Variants in GLT8D2 observed in about 807,000 individuals in gnomAD.
GLT8D2 encodes glycosyltransferase 8 domain-containing protein 2.
A neutral mutation model predicts 44.5 loss-of-function variants in GLT8D2; 45 were observed. That is an observed-to-expected ratio of 1.01 (90% CI 0.80 to 1.30). The LOEUF (loss-of-function observed/expected upper bound fraction) is 1.30. Ranked by LOEUF, GLT8D2 falls within the 50% of genes most tolerant of loss-of-function variation. GLT8D2 has a pLI of 0.00. For missense variants in GLT8D2, 400 were observed against 430.4 expected (o/e 0.93, Z 0.62); for synonymous variants, 156 against 157.2 (o/e 0.99, Z 0.06).
In GLT8D2 at chr12:104,014,255, T is replaced by C. The variant is rs538558063; in HGVS notation, c.112+758A>G. 194 of 699,414 alleles carry C rather than the reference T, an allele frequency of 2.8e-4. 1 individual carries two copies. The African/African-American group carries it at 3.1e-3, about 11-fold the overall frequency. 43.3% of individuals were successfully genotyped at this position (699,414 alleles called of 1,614,324 possible). On this transcript the variant is annotated intron_variant, in intron 4 of 10. Coordinates refer to ENST00000360814, the MANE Select transcript of GLT8D2 (RefSeq NM_001384711.1). ...CTGTAGTTCCAACTTCCTGGGGTGCTGAGGCCGGAGGATTGCTTGAGCCCT... is the reference window on the plus strand; with the variant it reads ...CTGTAGTTCCAACTTCCTGGGGTGCCGAGGCCGGAGGATTGCTTGAGCCCT...
At chr12:104,023,273 A>G (rs1662954828) in intron 1 of GLT8D2, among the ~76,000 whole-genome samples, 1 of 152,218 alleles carries the variant, frequency 6.6e-6, no homozygotes, top group Admixed American at 6.5e-5. Flanking sequence ...CATTCTGCAC[A>G]TGTATCCCAA....
chr12:104,063,740 C>T (rs538493841), intron 1 of GLT8D2, among the ~76,000 whole-genome samples: 1 of 151,926 alleles, frequency 6.6e-6, no homozygotes, highest in Non-Finnish European at 1.5e-5. Flanking sequence ...CAGAAAATTA[C>T]CTTACTGCAC....
rs118108148 is a variant in GLT8D2 at position 104,043,005 on chromosome 12, A to T, written c.-164+6890T>A. Among the ~76,000 whole-genome samples the T allele has an allele frequency of 6.6e-3, 1,002 of 152,278 alleles. 7 individuals are homozygous for T. Among genetic ancestry groups the T allele is most frequent in the Non-Finnish European group, 9.1e-3 (621 of 68,028 alleles). On this transcript the variant is annotated intron_variant, in intron 1 of 10. Coordinates refer to ENST00000360814, the MANE Select transcript of GLT8D2 (RefSeq NM_001384711.1). ...GTCCCGGCATGCAAAGAACTGCACC[A>T]CAGGACTTGTTCCTCACTAGGGTTG...
rs1872377560 is a variant in GLT8D2, at chr12:103,989,011, T to G, written c.*397A>C. ...ATAAAAATGATGAATATTTTATTTT[T>G]CAGACGTCCATATTTTAAATGTAAT... On this transcript the variant is annotated 3_prime_UTR_variant, in exon 11 of 11. Coordinates refer to ENST00000360814, the MANE Select transcript of GLT8D2 (RefSeq NM_001384711.1). 1 of 153,782 alleles carries G rather than the reference T, an allele frequency of 6.5e-6. No homozygotes were observed. Among genetic ancestry groups the G allele is most frequent in the South Asian group, 2.1e-4 (1 of 4,866 alleles). 9.5% of individuals were successfully genotyped at this position (153,782 alleles called of 1,614,324 possible). A position where few individuals can be genotyped will look rare whatever the true frequency, so the allele number is the denominator to read the frequency against.
At chr12:104,044,879 C>A (rs1260897069) in intron 1 of GLT8D2, among the ~76,000 whole-genome samples, 1 of 152,210 alleles carries the variant, frequency 6.6e-6, no homozygotes, top group Admixed American at 6.5e-5. Context: ...ACTCATATAC[C>A]TTTCACCAGA....
At chr12:104,030,753 C>A (rs373254029) in intron 1 of GLT8D2, 63 of 1,612,144 alleles carry the variant, frequency 3.9e-5, no homozygotes, top group East Asian at 3.8e-4. Flanking sequence ...TAATCCCAGT[C>A]GGTGCCGCAT....
intron 3 of GLT8D2, among the ~76,000 whole-genome samples, chr12:104,015,789 G>T (rs140111643): frequency 5.9e-5 from 9 of 151,692 alleles, no homozygotes; most frequent in Non-Finnish European, 8.8e-5. Context: ...ATCACATGAG[G>T]CCAGGAGTTC....
intron 1 of GLT8D2, among the ~76,000 whole-genome samples, chr12:104,061,266 T>TA (rs1346965660): frequency 6.6e-6 from 1 of 152,246 alleles, no homozygotes; most frequent in Non-Finnish European, 1.5e-5. Context: ...TCTTTTGTCT[T>TA]AAAAATATTT....
chr12:104,003,118 T>G lies in GLT8D2; in HGVS notation c.284+17A>C. 6.2e-7 allele frequency: 1 copy of G among 1,607,932 alleles called. No individual in the cohort carries two copies. ...GAAGGAAACAGAAAGTGCCAAAGTC[T>G]GTAAGACATAACTTACCGTATTCGA... is the stretch of plus-strand genomic sequence containing the variant. On this transcript the variant is annotated intron_variant, in intron 5 of 10. Coordinates refer to ENST00000360814, the MANE Select transcript of GLT8D2 (RefSeq NM_001384711.1).
At chr12:104,006,848 C>T (rs867341136) in intron 4 of GLT8D2, among the ~76,000 whole-genome samples, 5 of 152,122 alleles carry the variant, frequency 3.3e-5, no homozygotes, top group Non-Finnish European at 5.9e-5. Context: ...AGTTGGCTAG[C>T]CTAAAACACA....
chr12:104,010,454 A>G (rs1385734921), intron 4 of GLT8D2, among the ~76,000 whole-genome samples: 1 of 152,196 alleles, frequency 6.6e-6, no homozygotes, highest in Non-Finnish European at 1.5e-5. Context: ...CTCCCTACAC[A>G]TAAATTAACA....
At chr12:104,019,698 A>T in intron 2 of GLT8D2, 22 bp from the exon 3 acceptor site, 1 of 1,550,184 alleles carries the variant, frequency 6.5e-7, no homozygotes, top group African/African-American at 1.4e-5. Flanking sequence ...AGGAAAAAAA[A>T]TCTGTTTAAA....
Position 104,036,676 on chromosome 12 carries a change from C to T in GLT8D2, c.-164+13219G>A, listed in dbSNP as rs539455697. On this transcript the variant is annotated intron_variant, in intron 1 of 10. Transcript: ENST00000360814. ...GATTCATAAAGCAAGTCCTTAGAGACCTACAAAGAGACTTAGACTCCCACA... is the reference window on the plus strand; with the variant it reads ...GATTCATAAAGCAAGTCCTTAGAGATCTACAAAGAGACTTAGACTCCCACA... 1.6e-3 allele frequency among the ~76,000 whole-genome samples: 239 copies of T among 152,238 alleles called. 2 individuals are homozygous for T. Among genetic ancestry groups the T allele is most frequent in the African/African-American group, 5.5e-3 (229 of 41,518 alleles).
chr12:104,025,113 A>G (rs1878419480), intron 1 of GLT8D2, among the ~76,000 whole-genome samples: 1 of 151,486 alleles, frequency 6.6e-6, no homozygotes, highest in Admixed American at 6.6e-5. Flanking sequence ...CGATTTGCAA[A>G]TACTTTCCCC....
At chr12:104,022,926 T>G (rs1878102504) in intron 1 of GLT8D2, among the ~76,000 whole-genome samples, 1 of 152,226 alleles carries the variant, frequency 6.6e-6, no homozygotes. Context: ...GGGCAAATTC[T>G]AAGAGGCATA....
At chr12:103,996,675 G>C (rs913957563) in intron 8 of GLT8D2, 60 bp downstream of exon 8, 333 of 1,184,626 alleles carry the variant, frequency 2.8e-4, no homozygotes, top group Admixed American at 6.1e-4. Flanking sequence ...CTTGCAGAGG[G>C]GGGAGAAGGG....
chr12:104,016,738 A>G (rs1046549322), intron 3 of GLT8D2, among the ~76,000 whole-genome samples: 9 of 96,506 alleles, frequency 9.3e-5, no homozygotes, highest in South Asian at 4.0e-4. Context: ...AAAGAAAGAA[A>G]GAAAGAAAGA....
At chr12:104,016,069 A>AT (rs1216128412) in intron 3 of GLT8D2, among the ~76,000 whole-genome samples, 4 of 151,806 alleles carry the variant, frequency 2.6e-5, no homozygotes, top group Admixed American at 6.6e-5. Flanking sequence ...GATGCCCTTT[A>AT]TTTTTTTTGC....
At chr12:104,029,945 C>T (rs143899224) in intron 1 of GLT8D2, among the ~76,000 whole-genome samples, 333 of 152,132 alleles carry the variant, frequency 2.2e-3, no homozygotes, top group African/African-American at 7.6e-3. Flanking sequence ...AATGTAGTCC[C>T]TTTCAAAATT....
Sources: allele counts gnomAD v4.1 joint callset (sites outside exome capture counted in the v4.1 genomes callset), GRCh38; gene constraint gnomAD v4.1.1; transcripts MANE v1.5; gene names NCBI Gene and HGNC (gene_info 2026-07-23, HGNC 2026-07-21).